Variants in PCDHA3 observed in about 807,000 individuals in gnomAD.
The protein encoded by PCDHA3 is protocadherin alpha 3.
PCDHA3 carries 41 observed loss-of-function variants against 62.2 expected under a neutral mutation model. That is an observed-to-expected ratio of 0.66 (90% CI 0.51 to 0.86). The LOEUF is 0.86. Ranked by LOEUF, PCDHA3 falls within the 40% of genes least tolerant of loss-of-function variation. PCDHA3 has a pLI of 0.00. For synonymous variants in PCDHA3, 640 were observed against 555.4 expected (o/e 1.15, Z -2.14); for missense variants, 1,304 against 1,241.2 (o/e 1.05, Z -0.76).
chr5:140,883,558 G>A, intron 1 of PCDHA3: 2 of 1,614,190 alleles, frequency 1.2e-6, no homozygotes, highest in South Asian at 1.1e-5. Context: ...CGCGGGACGG[G>A]GGCTCGCCTT....
intron 3 of PCDHA3, among the ~76,000 whole-genome samples, chr5:141,000,228 G>C (rs994042672): frequency 3.3e-5 from 5 of 151,306 alleles, no homozygotes; most frequent in Non-Finnish European, 2.9e-5. Context: ...CCTGTGTGGA[G>C]CTGAATGTGG....
At chr5:140,884,186 G>T in intron 1 of PCDHA3, 1 of 1,613,444 alleles carries the variant, frequency 6.2e-7, no homozygotes, top group East Asian at 2.2e-5. Context: ...TCTGGACGAG[G>T]TGGACGCGCC....
intron 1 of PCDHA3, among the ~76,000 whole-genome samples, chr5:140,911,559 C>T (rs2075532280): frequency 6.6e-6 from 1 of 152,168 alleles, no homozygotes; most frequent in Non-Finnish European, 1.5e-5. Flanking sequence ...CATTTTCTTT[C>T]ATCACTTTGT....
At chr5:140,835,820 G>A (rs1554135305) in intron 1 of PCDHA3, 5 of 1,612,676 alleles carry the variant, frequency 3.1e-6, no homozygotes, top group Non-Finnish European at 4.2e-6. Flanking sequence ...CTGTGTCGGC[G>A]GGGGACGCGG....
At chr5:140,892,283 C>T (rs1554185144) in intron 1 of PCDHA3, among the ~76,000 whole-genome samples, 1 of 152,172 alleles carries the variant, frequency 6.6e-6, no homozygotes, top group African/African-American at 2.4e-5. Context: ...GTATTAAACA[C>T]TTCTTCCTGG....
intron 1 of PCDHA3, chr5:140,968,814 G>A: frequency 1.5e-5 from 24 of 1,614,232 alleles, no homozygotes; most frequent in Non-Finnish European, 1.9e-5. Context: ...GTGGTGGATA[G>A]GGTTTCCAAA....
chr5:140,921,165 A>G (rs959305878), intron 1 of PCDHA3, among the ~76,000 whole-genome samples: 1 of 151,798 alleles, frequency 6.6e-6, no homozygotes, highest in Admixed American at 6.6e-5. Context: ...TTTTTTTAAC[A>G]CACATAAAGC....
At chr5:140,950,555 C>T (rs1421946616) in intron 1 of PCDHA3, among the ~76,000 whole-genome samples, 1 of 151,964 alleles carries the variant, frequency 6.6e-6, no homozygotes, top group Non-Finnish European at 1.5e-5. Flanking sequence ...GCTGGGGGGA[C>T]ACTTATTTTA....
At chr5:140,889,763 T>C (rs2062377523) in intron 1 of PCDHA3, among the ~76,000 whole-genome samples, 1 of 152,192 alleles carries the variant, frequency 6.6e-6, no homozygotes, top group African/African-American at 2.4e-5. Context: ...TCCTTGAACT[T>C]TGACTGGTCT....
Position 140,801,969 on chromosome 5 carries a change from G to T in PCDHA3, c.772G>T (p.Gly258Cys), listed in dbSNP as rs1762821998. The change falls in exon 1 of 4, where the codon GGT (glycine) becomes TGT (cysteine). Residue 258 changes from glycine to cysteine, a missense_variant. Coordinates refer to ENST00000522353, the MANE Select transcript of PCDHA3 (RefSeq NM_018906.3). ...KVRLLENAPNGTLVVTVNATD... is the reference protein window; with the variant it reads ...KVRLLENAPNCTLVVTVNATD... Reference sequence around the variant, plus strand: ...CAGATTACTCGAAAATGCACCAAATGGTACCCTAGTGGTGACCGTTAACGC... The same window carrying T: ...CAGATTACTCGAAAATGCACCAAATTGTACCCTAGTGGTGACCGTTAACGC... The T allele has an allele frequency of 6.2e-7, 1 of 1,614,032 alleles. No individual in the cohort carries two copies. Among genetic ancestry groups the T allele is most frequent in the Non-Finnish European group, 8.5e-7 (1 of 1,180,036 alleles).
intron 1 of PCDHA3, among the ~76,000 whole-genome samples, chr5:140,941,215 C>CTT (rs782548958): frequency 1.2e-4 from 13 of 104,510 alleles, no homozygotes; most frequent in African/African-American, 4.4e-4. Flanking sequence ...TTCTTTCTTC[C>CTT]TTTCTTTCTT....
At chr5:140,819,081 G>A (rs2150103070) in intron 1 of PCDHA3, among the ~76,000 whole-genome samples, 416 of 152,236 alleles carry the variant, frequency 2.7e-3, no homozygotes, top group African/African-American at 9.5e-3. Context: ...TACAGGCAGC[G>A]CTAAGATGTG....
At chr5:140,972,500 T>C (rs1554234162) in intron 1 of PCDHA3, among the ~76,000 whole-genome samples, 1 of 152,108 alleles carries the variant, frequency 6.6e-6, no homozygotes, top group Non-Finnish European at 1.5e-5. Flanking sequence ...AATCTGTTGG[T>C]AGATTTTACC....
rs187844001 is a variant in PCDHA3 at position 140,981,487 on chromosome 5, T to C, written c.2454-988T>C. On this transcript the variant is annotated intron_variant, in intron 2 of 3. Coordinates refer to ENST00000522353, the MANE Select transcript of PCDHA3 (RefSeq NM_018906.3). ...TACTTGGGAGGCTGAGGCAGGAGAA[T>C]TGCTTGAACCTGGGAGGCAGAGGTT... Among the ~76,000 whole-genome samples the C allele has an allele frequency of 5.5e-3, 843 of 152,250 alleles. 8 individuals carry two copies. Among genetic ancestry groups the C allele is most frequent in the African/African-American group, 0.019 (806 of 41,542 alleles).
intron 1 of PCDHA3, chr5:140,830,967 T>C (rs1771307756): frequency 6.6e-6 from 1 of 152,346 alleles, no homozygotes; most frequent in Non-Finnish European, 1.5e-5. Flanking sequence ...TTTTATCCAT[T>C]TTGTGTAAGA....
chr5:140,805,212 T>C (rs1175777549), intron 1 of PCDHA3: 1 of 1,422,146 alleles, frequency 7.0e-7, no homozygotes, highest in Non-Finnish European at 9.2e-7. Context: ...CAAATAAACA[T>C]TGTTTTCTAT....
intron 1 of PCDHA3, chr5:140,865,673 C>A (rs1438550706): frequency 6.6e-6 from 1 of 152,132 alleles, no homozygotes; most frequent in Non-Finnish European, 1.5e-5. Flanking sequence ...ATAACAATTT[C>A]TAAAGTACAT....
intron 3 of PCDHA3, among the ~76,000 whole-genome samples, chr5:141,005,701 C>CAA (rs59860837): frequency 0.061 from 476 of 7,774 alleles, 114 homozygotes; most frequent in African/African-American, 0.16. Flanking sequence ...AACTCCGTCT[C>CAA]AAAAAAAAAA....
intron 1 of PCDHA3, chr5:140,849,218 G>T: frequency 9.6e-7 from 1 of 1,040,734 alleles, no homozygotes; most frequent in South Asian, 1.6e-5. Context: ...ATGCCCCAGT[G>T]TTCGACAGAA....
Sources: allele counts gnomAD v4.1 joint callset (sites outside exome capture counted in the v4.1 genomes callset), GRCh38; gene constraint gnomAD v4.1.1; transcripts MANE v1.5; gene names NCBI Gene and HGNC (gene_info 2026-07-23, HGNC 2026-07-21).